SNX7: variants seen among roughly 807,000 people sequenced by gnomAD.
The protein encoded by SNX7 is sorting nexin 7.
In SNX7, 35 loss-of-function variants were observed where a neutral mutation model predicts 48.4. The observed-to-expected ratio is 0.72, with a 90% CI of 0.55 to 0.96. The LOEUF is 0.96. SNX7 is among the 40% of genes least tolerant of loss of function. The pLI is 0.00. For missense variants in SNX7, 553 were observed against 548.9 expected (o/e 1.01, Z -0.07); for synonymous variants, 190 against 190.2 (o/e 1.00, Z 0.01).
At chr1:98,697,421 A>G (rs758714819) in intron 5 of SNX7, among the ~76,000 whole-genome samples, 4 of 152,134 alleles carry the variant, frequency 2.6e-5, no homozygotes, top group Non-Finnish European at 5.9e-5. Context: ...GATTGTATTT[A>G]TATGGATAGT....
intron 7 of SNX7, among the ~76,000 whole-genome samples, chr1:98,735,123 T>G (rs1653710539): frequency 6.6e-6 from 1 of 152,134 alleles, no homozygotes; most frequent in South Asian, 2.1e-4. Flanking sequence ...TTGAGTATAT[T>G]TGTTCTTTTA....
chr1:98,667,390 A>C (rs1430750931), intron 1 of SNX7, among the ~76,000 whole-genome samples: 1 of 152,056 alleles, frequency 6.6e-6, no homozygotes, highest in Non-Finnish European at 1.5e-5. Flanking sequence ...TTTTCTTTTT[A>C]TTTGAGACAA....
At chr1:98,759,946 A>C (rs915717939) in intron 8 of SNX7, 108 bp from the exon 9 acceptor site, 5 of 689,600 alleles carry the variant, frequency 7.3e-6, no homozygotes, top group Non-Finnish European at 1.3e-5. Flanking sequence ...GATGGGAGAG[A>C]AGAATAGAGC....
intron 7 of SNX7, among the ~76,000 whole-genome samples, chr1:98,703,885 A>G (rs904619380): frequency 6.6e-6 from 1 of 152,076 alleles, no homozygotes; most frequent in African/African-American, 2.4e-5. Context: ...ATGAAATACT[A>G]GAAACAGTAG....
chr1:98,701,962 A>G, intron 7 of SNX7, 59 bp downstream of exon 7: 1 of 1,180,926 alleles, frequency 8.5e-7, no homozygotes, highest in Non-Finnish European at 1.2e-6. Flanking sequence ...AATTTTTATT[A>G]GCAATGTCCT....
chr1:98,746,867 GTTTC>G lies in SNX7; in HGVS notation c.1278+8484_1278+8487del, dbSNP rs202205844. 5.8e-4 allele frequency among the ~76,000 whole-genome samples: 88 copies of G among 152,064 alleles called. No individual in the cohort carries two copies. In the East Asian group the frequency reaches 0.013, roughly 22 times the overall value. On this transcript the variant is annotated intron_variant, in intron 8 of 8. Coordinates refer to ENST00000306121, the MANE Select transcript of SNX7 (RefSeq NM_015976.5). ...GGGAGGTAAATCTAAAATCTAACTA[GTTTC>G]TTTCTGCAGGAATCTTTATATTCAA...
At position 98,750,404 on chromosome 1, in the gene SNX7, G is replaced by T. The variant is rs114986843; in HGVS notation, c.1279-9650G>T. 1.6e-3 allele frequency among the ~76,000 whole-genome samples: 250 copies of T among 151,980 alleles called. 1 individual carries two copies. Among genetic ancestry groups the T allele is most frequent in the South Asian group, 0.011 (53 of 4,822 alleles). ...TTTAGTGAGCCTCAGTATCCTCATC[G>T]ATGAAGTGATGAAAATGCCATAGAT... On this transcript the variant is annotated intron_variant, in intron 8 of 8. Coordinates refer to ENST00000306121, the MANE Select transcript of SNX7 (RefSeq NM_015976.5).
intron 8 of SNX7, among the ~76,000 whole-genome samples, chr1:98,746,825 T>A (rs1212094445): frequency 6.6e-6 from 1 of 152,076 alleles, no homozygotes; most frequent in Non-Finnish European, 1.5e-5. Flanking sequence ...ATTGATAAGG[T>A]CCTGCTTTCA....
chr1:98,703,263 A>G (rs1651843202), intron 7 of SNX7, among the ~76,000 whole-genome samples: 1 of 152,154 alleles, frequency 6.6e-6, no homozygotes, highest in Non-Finnish European at 1.5e-5. Flanking sequence ...AGTCTCTACA[A>G]AATCAGAATG....
chr1:98,731,732 A>C (rs1234093252), intron 7 of SNX7, among the ~76,000 whole-genome samples: 1 of 152,092 alleles, frequency 6.6e-6, no homozygotes, highest in East Asian at 1.9e-4. Flanking sequence ...CACAGTGGTA[A>C]ATATTTGTGT....
rs116180479 is a variant in SNX7, at chr1:98,731,689, A to G, written c.1126-6548A>G. On this transcript the variant is annotated intron_variant, in intron 7 of 8. Coordinates refer to ENST00000306121, the MANE Select transcript of SNX7 (RefSeq NM_015976.5). ...GTAGCCTGTTGTTCCTGAGTTAAAAACCTGTATAGCATGTTATTTTAGTCC... is the reference window on the plus strand; with the variant it reads ...GTAGCCTGTTGTTCCTGAGTTAAAAGCCTGTATAGCATGTTATTTTAGTCC... Among the ~76,000 whole-genome samples the G allele has an allele frequency of 3.6e-3, 553 of 152,168 alleles. 5 individuals are homozygous for G. Among genetic ancestry groups the G allele is most frequent in the African/African-American group, 0.012 (517 of 41,530 alleles).
Position 98,661,728 on chromosome 1 carries a change from C to CGGGATGGAGGGCGAGCGCCG in SNX7, c.-1_19dup. ...TGGCGGCCGGCTGGGCGCGCACTCT[C>CGGGATGGAGGGCGAGCGCCG]GGGATGGAGGGCGAGCGCCGGGCAT... On this transcript the variant is annotated 5_prime_UTR_variant, in exon 1 of 9. In the 5' UTR this introduces an upstream ATG that the reference lacks. Transcript: ENST00000306121. The CGGGATGGAGGGCGAGCGCCG allele has an allele frequency of 8.2e-7, 1 of 1,223,736 alleles. No individual in the cohort carries two copies. Among genetic ancestry groups the CGGGATGGAGGGCGAGCGCCG allele is most frequent in the Middle Eastern group, 3.2e-4 (1 of 3,128 alleles). The allele number at this position is 1,223,736 out of a possible 1,614,324, so 75.8% of individuals were successfully genotyped here.
At chr1:98,672,651 G>A (rs1266249961) in intron 1 of SNX7, among the ~76,000 whole-genome samples, 11 of 151,918 alleles carry the variant, frequency 7.2e-5, no homozygotes, top group African/African-American at 1.2e-4. Flanking sequence ...GTGGCCGGGC[G>A]CGGTGGCTCA....
chr1:98,675,144 A>G (rs899980479), intron 1 of SNX7, among the ~76,000 whole-genome samples: 1 of 152,184 alleles, frequency 6.6e-6, no homozygotes, highest in Non-Finnish European at 1.5e-5. Flanking sequence ...TTATTGATCC[A>G]TTTCTCCTGA....
intron 1 of SNX7, among the ~76,000 whole-genome samples, chr1:98,663,060 T>G (rs902454876): frequency 4.6e-5 from 7 of 152,234 alleles, no homozygotes; most frequent in African/African-American, 1.7e-4. Flanking sequence ...AGTTGTAAAC[T>G]CTGCCTTTTT....
intron 8 of SNX7, among the ~76,000 whole-genome samples, chr1:98,748,260 A>G (rs1426808415): frequency 6.6e-6 from 1 of 152,044 alleles, no homozygotes; most frequent in Non-Finnish European, 1.5e-5. Flanking sequence ...TGCTGGTATT[A>G]TAGGTGTGAG....
chr1:98,738,572 G>T (rs561294426), intron 8 of SNX7, among the ~76,000 whole-genome samples, 183 bp downstream of exon 8: 45 of 152,156 alleles, frequency 3.0e-4, no homozygotes, highest in African/African-American at 1.1e-3. Flanking sequence ...TTGTTGTTTT[G>T]GATTTGGATT....
chr1:98,751,508 T>C (rs892176938), intron 8 of SNX7, among the ~76,000 whole-genome samples: 4 of 152,092 alleles, frequency 2.6e-5, no homozygotes, highest in African/African-American at 9.7e-5. Context: ...TGGCTCTCTT[T>C]CTCTGAGTTC....
rs897980557 is a variant in SNX7, at chr1:98,691,204, T to C, written c.474+19T>C. The C allele has an allele frequency of 6.5e-7, 1 of 1,541,052 alleles. No individual in the cohort carries two copies. The highest frequency in any genetic ancestry group is 8.8e-7 in the Non-Finnish European group (1 of 1,130,528). ...TATTCCAGTAAGTTTGCAAAATTTTTTTTTTCATAGAATAGCTACCAGTTT... is the reference window on the plus strand; with the variant it reads ...TATTCCAGTAAGTTTGCAAAATTTTCTTTTTCATAGAATAGCTACCAGTTT... On this transcript the variant is annotated intron_variant, in intron 3 of 8. Transcript: ENST00000306121.
Sources: gnomAD v4.1 joint callset for allele counts (sites outside exome capture counted in the v4.1 genomes callset) on GRCh38, gnomAD v4.1.1 for gene constraint, MANE v1.5 for transcripts, NCBI Gene and HGNC (gene_info 2026-07-23, HGNC 2026-07-21) for gene names.